The following ADGRG6 variants were observed in gnomAD, a reference collection of about 807,000 sequenced individuals.
ADGRG6 encodes the protein G-protein coupled receptor 126.
A neutral mutation model predicts 142.4 loss-of-function variants in ADGRG6; 84 were observed. The observed-to-expected ratio is 0.59, with a 90% CI of 0.49 to 0.71. The LOEUF is 0.71. Ranked by LOEUF, ADGRG6 falls within the 30% of genes least tolerant of loss-of-function variation. The pLI, the probability that ADGRG6 is intolerant of heterozygous loss-of-function variation, is 0.00. For missense variants in ADGRG6, 1,367 were observed against 1,466.6 expected (o/e 0.93, Z 1.11); for synonymous variants, 521 against 520.5 (o/e 1.00, Z -0.01).
intron 1 of ADGRG6, among the ~76,000 whole-genome samples, chr6:142,305,478 T>G (rs1447737754): frequency 6.9e-6 from 1 of 145,052 alleles, no homozygotes; most frequent in Non-Finnish European, 1.5e-5. Flanking sequence ...ACAATTTTTT[T>G]CTGAACCATC....
chr6:142,388,138 C>T (rs758409834), intron 6 of ADGRG6, among the ~76,000 whole-genome samples: 15 of 152,174 alleles, frequency 9.9e-5, no homozygotes, highest in Admixed American at 2.0e-4. Flanking sequence ...AAACCCTGCT[C>T]ATCAGCCCTT....
intron 5 of ADGRG6, among the ~76,000 whole-genome samples, chr6:142,383,557 A>C (rs1038452796): frequency 1.5e-4 from 23 of 152,150 alleles, no homozygotes; most frequent in African/African-American, 5.5e-4. Context: ...GTATTATAGC[A>C]TCAAAGGCCA....
At chr6:142,357,594 A>T (rs1157998474) in intron 2 of ADGRG6, among the ~76,000 whole-genome samples, 8 of 152,156 alleles carry the variant, frequency 5.3e-5, no homozygotes, top group Non-Finnish European at 1.2e-4. Flanking sequence ...ACAAACCTGA[A>T]TGAGTTTTTT....
intron 24 of ADGRG6, among the ~76,000 whole-genome samples, chr6:142,442,347 T>G (rs1295805466): frequency 6.6e-6 from 1 of 152,124 alleles, no homozygotes; most frequent in Non-Finnish European, 1.5e-5. Context: ...TCCTAAAGTG[T>G]ATTTGGAGAG....
At chr6:142,421,243 G>A (rs923046859) in intron 22 of ADGRG6, among the ~76,000 whole-genome samples, 5 of 152,168 alleles carry the variant, frequency 3.3e-5, no homozygotes, top group African/African-American at 1.2e-4. Flanking sequence ...TGGATTGCTA[G>A]ATGGAGAAAG....
At chr6:142,419,050 G>A (rs1025837879) in intron 21 of ADGRG6, among the ~76,000 whole-genome samples, 9 of 152,072 alleles carry the variant, frequency 5.9e-5, no homozygotes, top group African/African-American at 1.7e-4. Flanking sequence ...ACAACCATCT[G>A]TATATTAATC....
At chr6:142,347,757 G>T (rs946659341) in intron 2 of ADGRG6, among the ~76,000 whole-genome samples, 1 of 152,040 alleles carries the variant, frequency 6.6e-6, no homozygotes, top group Non-Finnish European at 1.5e-5. Flanking sequence ...ACGTCTTTTT[G>T]TCTCAGTGCA....
chr6:142,369,683 T>A (rs1026271671), intron 3 of ADGRG6, among the ~76,000 whole-genome samples: 2 of 152,178 alleles, frequency 1.3e-5, no homozygotes, highest in Non-Finnish European at 2.9e-5. Context: ...ATAGAGTAAC[T>A]GAAAGGGAGA....
intron 24 of ADGRG6, among the ~76,000 whole-genome samples, chr6:142,443,096 G>T (rs1777836452): frequency 6.6e-6 from 1 of 151,968 alleles, no homozygotes; most frequent in Non-Finnish European, 1.5e-5. Context: ...AGAATATTTC[G>T]TATGGTAAGC....
chr6:142,396,723 AT>A (rs1402287074), intron 9 of ADGRG6, among the ~76,000 whole-genome samples: 2 of 152,094 alleles, frequency 1.3e-5, no homozygotes, highest in Middle Eastern at 3.2e-3. Context: ...AGAAGAAACA[AT>A]TTTTTTGTGA....
At chr6:142,442,055 A>C (rs1777777895) in intron 24 of ADGRG6, among the ~76,000 whole-genome samples, 1 of 152,218 alleles carries the variant, frequency 6.6e-6, no homozygotes, top group Non-Finnish European at 1.5e-5. Flanking sequence ...AATAGTTTCC[A>C]AAGACAACAG....
At chr6:142,329,199 G>A (rs1484619243) in intron 2 of ADGRG6, among the ~76,000 whole-genome samples, 2 of 152,148 alleles carry the variant, frequency 1.3e-5, no homozygotes, top group Non-Finnish European at 2.9e-5. Context: ...GAATCATGAA[G>A]TATTGTTTTG....
At chr6:142,324,312 A>G (rs1778658612) in intron 2 of ADGRG6, among the ~76,000 whole-genome samples, 1 of 152,114 alleles carries the variant, frequency 6.6e-6, no homozygotes, top group Non-Finnish European at 1.5e-5. Flanking sequence ...TGCTGATGTC[A>G]GCATGGCCTT....
At chr6:142,307,036 A>AAG (rs1582950727) in intron 1 of ADGRG6, among the ~76,000 whole-genome samples, 2 of 152,128 alleles carry the variant, frequency 1.3e-5, no homozygotes, top group East Asian at 3.9e-4. Flanking sequence ...CAGCTTTGAT[A>AAG]AGACAGCTTC....
At chr6:142,328,150 A>G (rs1251502709) in intron 2 of ADGRG6, among the ~76,000 whole-genome samples, 1 of 152,178 alleles carries the variant, frequency 6.6e-6, no homozygotes, top group Non-Finnish European at 1.5e-5. Flanking sequence ...AGGGCCCACC[A>G]ATATCAAGCA....
Position 142,405,788 on chromosome 6 carries a change from G to A in ADGRG6, c.2228G>A (p.Arg743Lys). 2 of 1,607,796 alleles carry A rather than the reference G, an allele frequency of 1.2e-6. No homozygotes were observed. The highest frequency in any genetic ancestry group is 1.7e-6 in the Non-Finnish European group (2 of 1,176,196). The change falls in exon 15 of 25, where the codon AGA becomes AAA. Residue 743 changes from arginine (R) to lysine (K), a missense_variant. This residue lies in a region of ADGRG6 where 286 missense variants were observed against 371.4 expected (regional missense o/e 0.77). Coordinates refer to ENST00000367609, the MANE Select transcript of ADGRG6 (RefSeq NM_198569.3). ...CCAGAAGATTCTGTATTAGTTAGAA[G>A]AGCACAGTTTACTTTCTTCAACAAA... ...LSPEDSVLVR[R>K]AQFTFFNKTG... is the part of the protein sequence containing the mutation.
chr6:142,389,075 T>C (rs1782173106), intron 6 of ADGRG6, among the ~76,000 whole-genome samples: 1 of 152,026 alleles, frequency 6.6e-6, no homozygotes, highest in African/African-American at 2.4e-5. Context: ...CTGCATAAAT[T>C]AAACTCACCT....
intron 2 of ADGRG6, among the ~76,000 whole-genome samples, chr6:142,320,466 A>G (rs1778458203): frequency 6.6e-6 from 1 of 152,088 alleles, no homozygotes; most frequent in African/African-American, 2.4e-5. Context: ...ACTCTGAGTA[A>G]CTTAGTAGCA....
chr6:142,319,264 A>C (rs1329367516), intron 2 of ADGRG6, among the ~76,000 whole-genome samples: 1 of 152,144 alleles, frequency 6.6e-6, no homozygotes, highest in Admixed American at 6.6e-5. Flanking sequence ...TGGTGAATCT[A>C]GATCAGAAAT....
Sources: gnomAD v4.1 joint callset for allele counts (sites outside exome capture counted in the v4.1 genomes callset) on GRCh38, gnomAD v4.1.1 for gene constraint, gnomAD v4.1.1 regional missense constraint, MANE v1.5 for transcripts, NCBI Gene and HGNC (gene_info 2026-07-23, HGNC 2026-07-21) for gene names.